DLGAP2: variants seen among roughly 807,000 people sequenced by gnomAD.
DLGAP2 encodes the protein DLG associated protein 2.
In DLGAP2, 26 loss-of-function variants were observed where a neutral mutation model predicts 100.3. The observed-to-expected ratio is 0.26, with a 90% CI of 0.19 to 0.36. DLGAP2 has a LOEUF of 0.36. Ranked by LOEUF, DLGAP2 falls within the 10% of genes least tolerant of loss-of-function variation. DLGAP2 has a pLI of 1.00. For synonymous variants in DLGAP2, 886 were observed against 630.1 expected (o/e 1.41, Z -6.08); for missense variants, 1,858 against 1,453.2 (o/e 1.28, Z -4.53).
chr8:1,418,494 C>T (rs1049815570), intron 3 of DLGAP2, among the ~76,000 whole-genome samples: 3 of 152,142 alleles, frequency 2.0e-5, no homozygotes, highest in Non-Finnish European at 2.9e-5. Context: ...CTTTTAACCC[C>T]AAACCCACGA....
intron 2 of DLGAP2, among the ~76,000 whole-genome samples, chr8:1,060,175 G>A (rs112107499): frequency 1.1e-4 from 17 of 152,180 alleles, no homozygotes; most frequent in African/African-American, 3.1e-4. Flanking sequence ...TCCGTTTCCC[G>A]TGGCCACCGT....
At chr8:1,368,042 T>C (rs891505274) in intron 3 of DLGAP2, among the ~76,000 whole-genome samples, 10 of 152,232 alleles carry the variant, frequency 6.6e-5, no homozygotes, top group African/African-American at 2.2e-4. Flanking sequence ...TTGACTCTGC[T>C]TTCACATTTT....
At chr8:878,502 G>A (rs1415466940) in intron 1 of DLGAP2, among the ~76,000 whole-genome samples, 2 of 152,162 alleles carry the variant, frequency 1.3e-5, no homozygotes, top group Non-Finnish European at 2.9e-5. Context: ...TATATTTCTA[G>A]GAAAATGGGT....
chr8:878,104 G>A (rs899181933), intron 1 of DLGAP2, among the ~76,000 whole-genome samples: 1 of 152,120 alleles, frequency 6.6e-6, no homozygotes, highest in African/African-American at 2.4e-5. Flanking sequence ...GAGAGTACTG[G>A]GAGTCCTCAT....
chr8:1,112,803 C>G (rs1037143298), intron 2 of DLGAP2, among the ~76,000 whole-genome samples: 2 of 152,166 alleles, frequency 1.3e-5, no homozygotes, highest in Admixed American at 1.3e-4. Context: ...GATGATATTG[C>G]CTAGGTTGTC....
chr8:1,202,799 CA>C (rs1477924806), intron 2 of DLGAP2, among the ~76,000 whole-genome samples: 3 of 152,322 alleles, frequency 2.0e-5, no homozygotes, highest in Admixed American at 1.3e-4. Context: ...GACAATCACC[CA>C]AGCCACTGAA....
At chr8:1,157,082 A>G (rs892983610) in intron 2 of DLGAP2, among the ~76,000 whole-genome samples, 9 of 152,042 alleles carry the variant, frequency 5.9e-5, no homozygotes, top group African/African-American at 2.2e-4. Context: ...GTGTCAGTTA[A>G]TTACAGAAGT....
At chr8:1,460,488 C>T (rs143189765) in intron 3 of DLGAP2, among the ~76,000 whole-genome samples, 1 of 152,280 alleles carries the variant, frequency 6.6e-6, no homozygotes, top group African/African-American at 2.4e-5. Context: ...GAGCAGGGGA[C>T]GCCTCTCCTT....
At chr8:1,414,909 T>C (rs962213200) in intron 3 of DLGAP2, among the ~76,000 whole-genome samples, 1 of 152,022 alleles carries the variant, frequency 6.6e-6, no homozygotes, top group Non-Finnish European at 1.5e-5. Flanking sequence ...CTTGGGAGGC[T>C]GAGGCAGGGG....
At chr8:1,268,514 A>G (rs1055871740) in intron 3 of DLGAP2, among the ~76,000 whole-genome samples, 2 of 152,216 alleles carry the variant, frequency 1.3e-5, no homozygotes, top group East Asian at 1.9e-4. Flanking sequence ...TCTCCAAAGC[A>G]GGAACTTTGT....
At chr8:925,484 G>C (rs936045080) in intron 2 of DLGAP2, among the ~76,000 whole-genome samples, 3 of 152,138 alleles carry the variant, frequency 2.0e-5, no homozygotes, top group Non-Finnish European at 4.4e-5. Flanking sequence ...ATTTGTGGTG[G>C]TCCAGGAATC....
chr8:767,542 A>G (rs999002457), intron 1 of DLGAP2, among the ~76,000 whole-genome samples: 3 of 152,058 alleles, frequency 2.0e-5, no homozygotes, highest in Admixed American at 6.6e-5. Context: ...TTTTTAGTAG[A>G]GACGGGGTTT....
chr8:1,629,246 G>T (rs1797585331), intron 7 of DLGAP2, among the ~76,000 whole-genome samples: 1 of 152,154 alleles, frequency 6.6e-6, no homozygotes, highest in Non-Finnish European at 1.5e-5. Context: ...AACTCAAGAA[G>T]GATACCACCT....
chr8:1,333,423 A>T (rs946018206), intron 3 of DLGAP2, among the ~76,000 whole-genome samples: 10 of 152,062 alleles, frequency 6.6e-5, no homozygotes, highest in Middle Eastern at 6.8e-3. Flanking sequence ...CATTTATCCA[A>T]CTGTGATCTC....
intron 2 of DLGAP2, among the ~76,000 whole-genome samples, chr8:1,030,394 G>A (rs1430805870): frequency 1.3e-5 from 2 of 152,152 alleles, no homozygotes; most frequent in Admixed American, 1.3e-4. Flanking sequence ...AACATACCAA[G>A]GCTTTGAAGC....
At chr8:807,752 A>G (rs1285370992) in intron 1 of DLGAP2, among the ~76,000 whole-genome samples, 1 of 152,246 alleles carries the variant, frequency 6.6e-6, no homozygotes, top group Non-Finnish European at 1.5e-5. Context: ...ACTAAAAGGC[A>G]ATTTCTTAGC....
intron 2 of DLGAP2, among the ~76,000 whole-genome samples, chr8:1,256,979 G>C (rs1799236818): frequency 6.6e-6 from 1 of 151,974 alleles, no homozygotes; most frequent in African/African-American, 2.4e-5. Flanking sequence ...TGTGGCCCTG[G>C]GCCCAGGGCT....
At chr8:1,458,850 G>T (rs1798392476) in intron 3 of DLGAP2, among the ~76,000 whole-genome samples, 1 of 152,228 alleles carries the variant, frequency 6.6e-6, no homozygotes, top group South Asian at 2.1e-4. Context: ...AGAGAGCAGG[G>T]TCGGGCGTCC....
intron 2 of DLGAP2, among the ~76,000 whole-genome samples, chr8:1,210,266 T>C (rs942939821): frequency 3.3e-5 from 5 of 152,044 alleles, no homozygotes; most frequent in African/African-American, 1.2e-4. Flanking sequence ...GGCAGGGTGA[T>C]GTTGGAAGCA....
Sources: allele counts gnomAD v4.1 joint callset (sites outside exome capture counted in the v4.1 genomes callset), GRCh38; gene constraint gnomAD v4.1.1; transcripts MANE v1.5; gene names NCBI Gene and HGNC (gene_info 2026-07-23, HGNC 2026-07-21).